Variants in COL4A1 observed in about 807,000 individuals in gnomAD.
The protein encoded by COL4A1 is collagen type IV alpha 1 chain.
A neutral mutation model predicts 216.6 loss-of-function variants in COL4A1; 40 were observed. The ratio of observed to expected loss-of-function variants is 0.18; its 90% CI spans 0.14 to 0.24. The LOEUF is 0.24. Among genes scored for constraint, COL4A1 ranks in the 10% least tolerant of loss-of-function variants. The probability of loss-of-function intolerance (pLI) is 1.00; values close to 1 mark genes in which losing one functional copy is unlikely to be tolerated. For missense variants in COL4A1, 1,628 were observed against 2,196.8 expected (o/e 0.74, Z 5.18); for synonymous variants, 839 against 810.7 (o/e 1.03, Z -0.59).
intron 2 of COL4A1, among the ~76,000 whole-genome samples, chr13:110,231,663 GGGT>G (rs1231028745): frequency 3.9e-5 from 6 of 152,158 alleles, no homozygotes; most frequent in Admixed American, 3.9e-4. Context: ...CCAGGCCCAC[GGGT>G]ACAGCAGGAG....
chr13:110,174,816 T>C (rs1159031849), intron 37 of COL4A1, 67 bp from the exon 38 acceptor site: 2 of 1,389,410 alleles, frequency 1.4e-6, no homozygotes, highest in Non-Finnish European at 2.0e-6. Context: ...AGGCATGTTA[T>C]AGATAATGGT....
At chr13:110,275,806 T>C (rs548008233) in intron 1 of COL4A1, among the ~76,000 whole-genome samples, 1 of 152,232 alleles carries the variant, frequency 6.6e-6, no homozygotes, top group East Asian at 1.9e-4. Context: ...AAAGTCTACA[T>C]ACCATACGAT....
intron 1 of COL4A1, among the ~76,000 whole-genome samples, chr13:110,274,346 C>T (rs1414417257): frequency 1.3e-5 from 2 of 152,162 alleles, no homozygotes. Context: ...TTTAGGAAGC[C>T]CCCTTTCCCA....
At chr13:110,193,470 A>G (rs1268481482) in intron 22 of COL4A1, among the ~76,000 whole-genome samples, 1 of 152,216 alleles carries the variant, frequency 6.6e-6, no homozygotes, top group Non-Finnish European at 1.5e-5. Context: ...AAATTCTAAC[A>G]TCTGAAGTCT....
intron 1 of COL4A1, among the ~76,000 whole-genome samples, chr13:110,255,114 G>A (rs1356163818): frequency 1.3e-5 from 2 of 152,222 alleles, no homozygotes; most frequent in African/African-American, 2.4e-5. Context: ...AACAGCCCAG[G>A]TGTCGGCTTC....
rs139549326 is a variant in COL4A1 at position 110,210,484 on chromosome 13, G to GC, written c.469-273_469-272insG. On this transcript the variant is annotated intron_variant, in intron 8 of 51. Transcript: ENST00000375820. ...AGCAAAGGGGTCTGCCACACTGCCCGAGGACCACCCCCAACTCTAGACAAG... is the reference window on the plus strand; with the variant it reads ...AGCAAAGGGGTCTGCCACACTGCCCGCAGGACCACCCCCAACTCTAGACAAG... 0.087 allele frequency among the ~76,000 whole-genome samples: 13,266 copies of GC among 152,132 alleles called. 592 individuals carry two copies. The highest frequency in any genetic ancestry group is 0.12 in the African/African-American group (4,777 of 41,494).
At chr13:110,220,999 G>T (rs1758936931) in intron 2 of COL4A1, among the ~76,000 whole-genome samples, 2 of 152,216 alleles carry the variant, frequency 1.3e-5, no homozygotes, top group African/African-American at 4.8e-5. Flanking sequence ...AAGCCTGCCT[G>T]CAGCTATAGC....
intron 39 of COL4A1, 63 bp from the exon 40 acceptor site, chr13:110,174,061 A>G (rs1877765991): frequency 1.9e-6 from 3 of 1,561,810 alleles, no homozygotes; most frequent in East Asian, 2.3e-5. Flanking sequence ...GCTGCCATAC[A>G]AAATGGCCCT....
At chr13:110,267,199 T>C (rs776896413) in intron 1 of COL4A1, among the ~76,000 whole-genome samples, 18 of 151,972 alleles carry the variant, frequency 1.2e-4, no homozygotes, top group Non-Finnish European at 2.5e-4. Context: ...CTCCCCACCA[T>C]CCACACAGGC....
intron 1 of COL4A1, among the ~76,000 whole-genome samples, chr13:110,245,522 A>G (rs1183156531): frequency 6.6e-6 from 1 of 152,222 alleles, no homozygotes; most frequent in Non-Finnish European, 1.5e-5. Context: ...TTGTGAGTCA[A>G]TTGCTGCTTT....
intron 49 of COL4A1, among the ~76,000 whole-genome samples, chr13:110,160,473 G>T (rs535242173): frequency 6.7e-6 from 1 of 150,196 alleles, no homozygotes; most frequent in African/African-American, 2.4e-5. Flanking sequence ...AAAATTCATA[G>T]GGGCAGGGAT....
At chr13:110,242,755 C>A (rs1489378571) in intron 1 of COL4A1, 21 bp from the exon 2 acceptor site, 1 of 1,613,790 alleles carries the variant, frequency 6.2e-7, no homozygotes, top group South Asian at 1.1e-5. Context: ...AAGAAAACTT[C>A]TTTAAATAGA....
At chr13:110,254,865 A>C (rs780701753) in intron 1 of COL4A1, among the ~76,000 whole-genome samples, 2 of 152,164 alleles carry the variant, frequency 1.3e-5, no homozygotes, top group Admixed American at 6.5e-5. Flanking sequence ...ATGCAACTGA[A>C]CAGGCCTGCT....
intron 2 of COL4A1, among the ~76,000 whole-genome samples, chr13:110,222,155 C>G (rs1343357413): frequency 2.6e-5 from 4 of 152,132 alleles, no homozygotes; most frequent in Non-Finnish European, 1.5e-5. Flanking sequence ...CCCCTCAGCA[C>G]ATTCGAGAGC....
At chr13:110,194,299 G>A (rs1297044074) in intron 22 of COL4A1, among the ~76,000 whole-genome samples, 1 of 152,234 alleles carries the variant, frequency 6.6e-6, no homozygotes, top group East Asian at 1.9e-4. Context: ...CATGTTTACA[G>A]TTCACAGGCA....
At chr13:110,243,353 T>C (rs1199565833) in intron 1 of COL4A1, among the ~76,000 whole-genome samples, 9 of 152,164 alleles carry the variant, frequency 5.9e-5, no homozygotes, top group Admixed American at 5.9e-4. Context: ...GTGTTGCTTT[T>C]GTTGCCCAGG....
At chr13:110,242,262 T>G (rs1283797314) in intron 2 of COL4A1, among the ~76,000 whole-genome samples, 1 of 152,206 alleles carries the variant, frequency 6.6e-6, no homozygotes, top group Non-Finnish European at 1.5e-5. Flanking sequence ...AAGCATGTGA[T>G]GGATTAAAAG....
rs1187779043 is a variant in COL4A1 at position 110,179,006 on chromosome 13, G to A, written c.2375C>T (p.Ser792Phe). The change falls in exon 31 of 52, where the codon TCC (serine) becomes TTC (phenylalanine). Residue 792 changes from serine (S) to phenylalanine (F), a missense_variant. Ser to Phe is a radical substitution (Grantham distance 155). This residue lies in a region of COL4A1 where 701 missense variants were observed against 892.5 expected (regional missense o/e 0.79). Transcript: ENST00000375820. ...GEPGPPGLPGSVGSPGVPGIG... is the reference protein window; with the variant it reads ...GEPGPPGLPGFVGSPGVPGIG... ...TCCTGGAACTCCTGGAGACCCCACG[G>A]AGCCTGGCAATCCAGGAGGTCCCGG... 6.2e-6 allele frequency: 10 copies of A among 1,611,634 alleles called. No individual in the cohort carries two copies. The Admixed American group carries it at 1.3e-4, about 22-fold the overall frequency.
intron 12 of COL4A1, among the ~76,000 whole-genome samples, 199 bp downstream of exon 12, chr13:110,208,650 A>G (rs959953012): frequency 2.6e-5 from 4 of 152,204 alleles, no homozygotes; most frequent in African/African-American, 9.6e-5. Flanking sequence ...GCACTTCCAT[A>G]AATTCTAGCG....
Sources: allele counts gnomAD v4.1 joint callset (sites outside exome capture counted in the v4.1 genomes callset), GRCh38; gene constraint gnomAD v4.1.1; regional missense constraint gnomAD v4.1.1; transcripts MANE v1.5; gene names NCBI Gene and HGNC (gene_info 2026-07-23, HGNC 2026-07-21).